CDKN2A: variants seen among roughly 807,000 people sequenced by gnomAD.
CDKN2A encodes cyclin dependent kinase inhibitor 2A.
Under a neutral mutation model 11.1 loss-of-function variants are expected in CDKN2A, and 3 were observed. That is an observed-to-expected ratio of 0.27 (90% confidence interval 0.12 to 0.70). The LOEUF (loss-of-function observed/expected upper bound fraction) is 0.70. Ranked by LOEUF, CDKN2A falls within the 30% of genes least tolerant of loss-of-function variation. The pLI is 0.77. For missense variants in CDKN2A, 265 were observed against 233.6 expected (o/e 1.13, Z -0.88); for synonymous variants, 122 against 108.1 (o/e 1.13, Z -0.80).
chr9:21,968,013 A>G lies in CDKN2A; in HGVS notation c.*216T>C, dbSNP rs1415627358. The G allele has an allele frequency of 1.6e-5, 9 of 566,262 alleles. No homozygotes were observed. Among genetic ancestry groups the G allele is most frequent in the Non-Finnish European group, 2.8e-5 (9 of 318,524 alleles). The allele number at this position is 566,262 out of a possible 1,614,324, so 35.1% of individuals were successfully genotyped here. A position where few individuals can be genotyped will look rare whatever the true frequency, so the allele number is the denominator to read the frequency against. On this transcript the variant is annotated 3_prime_UTR_variant, in exon 3 of 3. Transcript: ENST00000304494. This position sits in a 1 kb window ranked among gnomAD's most constrained non-coding sequence, Gnocchi z 4.7. The stretch of plus-strand genomic sequence containing the variant: ...CGGTGTTTTTCTTTTTTACATTTTT[A>G]TAAGAATATATAAAAAATGATATAA...
upstream of CDKN2A, among the ~76,000 whole-genome samples, chr9:21,979,796 C>G (rs910619864): frequency 5.9e-5 from 9 of 152,104 alleles, no homozygotes; most frequent in African/African-American, 1.9e-4. Context: ...GACTGGAGAA[C>G]CCAGCTGAGG....
intron 2 of CDKN2A, chr9:21,969,558 C>T (rs1010895657): frequency 7.7e-6 from 3 of 391,514 alleles, no homozygotes; most frequent in Non-Finnish European, 1.3e-5. Flanking sequence ...AAATGAAAGA[C>T]TTGTGTGTTT....
chr9:21,980,750 G>C (rs928567699), intron 2 of CDKN2A, among the ~76,000 whole-genome samples: 2 of 151,170 alleles, frequency 1.3e-5, no homozygotes, highest in Non-Finnish European at 2.9e-5. Flanking sequence ...ACGAGGTCAG[G>C]AGATCTAGAC....
At chr9:21,974,891 G>A, upstream of CDKN2A, 1 of 1,460,940 alleles carries the variant, frequency 6.8e-7, no homozygotes, top group Non-Finnish European at 9.0e-7. The surrounding 1 kb of genome is among the most constrained non-coding windows in gnomAD (Gnocchi z 5.2). Context: ...CACGCGGTCC[G>A]CCCCACCCTC....
At chr9:21,983,054 C>A (rs986210260) in intron 2 of CDKN2A, among the ~76,000 whole-genome samples, 2 of 152,046 alleles carry the variant, frequency 1.3e-5, no homozygotes, top group African/African-American at 2.4e-5. Flanking sequence ...TGCTTTAGAG[C>A]AAGTTGCAAA....
rs11515 is a variant in CDKN2A at position 21,968,200 on chromosome 9, C to G, written c.*29G>C. 1,394,724 of 1,609,364 alleles carry G rather than the reference C, an allele frequency of 0.87. 605,137 individuals carry two copies. The highest frequency in any genetic ancestry group is 0.98 in the East Asian group (43,938 of 44,812). The stretch of plus-strand genomic sequence containing the variant: ...TCGGTGACTGATGATCTAAGTTTCC[C>G]GAGGTTTCTCAGAGCCTCTCTGGTT... On this transcript the variant is annotated 3_prime_UTR_variant, in exon 3 of 3. Coordinates refer to ENST00000304494, the MANE Select transcript of CDKN2A (RefSeq NM_000077.5). The surrounding 1 kb of genome is among the most constrained non-coding windows in gnomAD (Gnocchi z 4.7).
At chr9:21,981,139 C>T (rs1187592709) in intron 2 of CDKN2A, among the ~76,000 whole-genome samples, 4 of 14,494 alleles carry the variant, frequency 2.8e-4, no homozygotes, top group Admixed American at 1.1e-3. Context: ...TATATATATA[C>T]GTGTATATAT....
intron 1 of CDKN2A, chr9:21,994,562 A>C: frequency 1.8e-6 from 2 of 1,092,262 alleles, no homozygotes; most frequent in Non-Finnish European, 2.5e-6. Context: ...AGATCTCGGA[A>C]CGGCTCTGAG....
chr9:21,984,304 T>C (rs1429973661), intron 2 of CDKN2A, among the ~76,000 whole-genome samples: 1 of 152,010 alleles, frequency 6.6e-6, no homozygotes, highest in Non-Finnish European at 1.5e-5. Context: ...AACCCCTCAT[T>C]AAATCATGAG....
rs773459232 is a variant in CDKN2A, at chr9:21,994,286, C to T, written c.-175-233G>A. ...ACGAAAACCCTCACTCGCGGCGGGC[C>T]GCACGCGCGCCGAATCCGGAGGGTC... On this transcript the variant is annotated intron_variant, in intron 1 of 3. Transcript: ENST00000494262. 1.2e-6 allele frequency: 2 copies of T among 1,603,748 alleles called. No individual in the cohort carries two copies. The highest frequency in any genetic ancestry group is 3.3e-4 in the Middle Eastern group (2 of 6,060).
rs529380972 is a variant in CDKN2A at position 21,971,212 on chromosome 9, C to G, written c.151-4G>C. The G allele has an allele frequency of 9.2e-4, 1,468 of 1,596,954 alleles. 29 individuals carry two copies. In the South Asian group the frequency reaches 0.015, roughly 17 times the overall value. ...GGGCGCTGCCCATCATCATGACCTG[C>G]CAGAGAGAACAGAATGGTCAGAGCC... On this transcript the variant is annotated splice_region_variant and splice_polypyrimidine_tract_variant and intron_variant, in intron 1 of 2. Coordinates refer to ENST00000304494, the MANE Select transcript of CDKN2A (RefSeq NM_000077.5).
At chr9:21,993,908 C>T in exon 2 of CDKN2A, 1 of 600,686 alleles carries the variant, frequency 1.7e-6, no homozygotes, top group Non-Finnish European at 3.0e-6. Context: ...TTTAGAAGCT[C>T]TGTTCGCCTC....
chr9:21,994,340 C>T lies in CDKN2A; in HGVS notation c.-175-287G>A, dbSNP rs775302601. 6.8e-6 allele frequency: 11 copies of T among 1,606,202 alleles called. No individual in the cohort carries two copies. In the African/African-American group the frequency reaches 1.5e-4, roughly 21 times the overall value. On this transcript the variant is annotated intron_variant, in intron 1 of 3. Coordinates refer to the CDKN2A transcript ENST00000494262. ...AAGAACCTGCGCACCATGTTCTCGCCGCCTCCAGGGCCGAGCTCGGCAGCC... is the reference window on the plus strand; with the variant it reads ...AAGAACCTGCGCACCATGTTCTCGCTGCCTCCAGGGCCGAGCTCGGCAGCC...
rs778871932 is a variant in CDKN2A at position 21,968,241 on chromosome 9, G to A, written c.459C>T (p.Asp153=). ...CTCTCTGGTTCTTTCAATCGGGGAT[G>A]TCTGCAGAGGGCAGAAAGAAAACAG... ...ARIDAAEGPS[D]IPD is the part of the protein sequence containing the mutation. The change falls in exon 3 of 3, where the codon GAC becomes GAT. Residue 153 remains aspartate, a splice_region_variant and synonymous_variant. Coordinates refer to ENST00000304494, the MANE Select transcript of CDKN2A (RefSeq NM_000077.5). This position sits in a 1 kb window ranked among gnomAD's most constrained non-coding sequence, Gnocchi z 4.7. 18 of 1,613,812 alleles carry A rather than the reference G, an allele frequency of 1.1e-5. No individual in the cohort carries two copies. The highest frequency in any genetic ancestry group is 3.4e-6 in the Non-Finnish European group (4 of 1,179,886).
At chr9:21,994,529 C>T (rs1820551489) in intron 1 of CDKN2A, 3 of 1,294,498 alleles carry the variant, frequency 2.3e-6, no homozygotes, top group Admixed American at 3.0e-5. Flanking sequence ...CCCACCCCAC[C>T]CCCACTCCCA....
At chr9:21,984,113 A>G (rs1033255617) in intron 2 of CDKN2A, among the ~76,000 whole-genome samples, 2 of 152,012 alleles carry the variant, frequency 1.3e-5, no homozygotes, top group East Asian at 3.8e-4. Flanking sequence ...TAGGTCATCA[A>G]AATAAATGTC....
rs1208889003 is a variant in CDKN2A, at chr9:21,967,891, C to A, written c.*338G>T. 2.8e-6 allele frequency: 1 copy of A among 362,266 alleles called. No individual in the cohort carries two copies. Among genetic ancestry groups the A allele is most frequent in the East Asian group, 4.3e-5 (1 of 23,332 alleles). 22.4% of individuals were successfully genotyped at this position (362,266 alleles called of 1,614,324 possible). On this transcript the variant is annotated 3_prime_UTR_variant, in exon 3 of 3. Transcript: ENST00000304494. ...TGCTTGTCATGAAGTCGACAGCTTC[C>A]GGAGGCTGCGAGGCTCGCAAGAAAT...
chr9:21,994,663 A>G (rs2131150542), intron 1 of CDKN2A: 1 of 258,540 alleles, frequency 3.9e-6, no homozygotes, highest in East Asian at 8.0e-5. Context: ...CCTCCCGCCT[A>G]CCGCCACTTT....
At chr9:21,980,903 G>A (rs550405015) in intron 2 of CDKN2A, among the ~76,000 whole-genome samples, 3,933 of 143,292 alleles carry the variant, frequency 0.027, 183 homozygotes, top group African/African-American at 0.078. Context: ...AGCTTGCAGT[G>A]AGCCGAGATC....
Sources: allele counts gnomAD v4.1 joint callset (sites outside exome capture counted in the v4.1 genomes callset), GRCh38; gene constraint gnomAD v4.1.1; non-coding constraint Gnocchi (gnomAD v3.1); transcripts MANE v1.5; gene names NCBI Gene and HGNC (gene_info 2026-07-23, HGNC 2026-07-21).